POTEE: variants seen among roughly 807,000 people sequenced by gnomAD.
The protein encoded by POTEE is POTE ankyrin domain family member E, also known as ANKRD26-like family C member 1A.
POTEE carries 21 observed loss-of-function variants against 74.2 expected under a neutral mutation model. The ratio of observed to expected loss-of-function variants is 0.28; its 90% CI spans 0.20 to 0.41. The LOEUF is 0.41. Among genes scored for constraint, POTEE ranks in the 10% least tolerant of loss-of-function variants. POTEE has a pLI of 1.00. For missense variants in POTEE, 525 were observed against 1,158.6 expected (o/e 0.45, Z 7.94); for synonymous variants, 211 against 432.8 (o/e 0.49, Z 6.36).
chr2:131,219,455 T>C (rs1471870008), intron 4 of POTEE, among the ~76,000 whole-genome samples: 3 of 151,886 alleles, frequency 2.0e-5, no homozygotes, highest in Non-Finnish European at 2.9e-5. Context: ...GATGTGAGCT[T>C]TTTGGCTGGG....
rs1468792765 is a variant in POTEE at position 131,228,381 on chromosome 2, TGTAA to T, written c.1055+3_1055+6del. ...TATGCTGTTTCTAGTCATCATCATG[TGTAA>T]GTGTTTACATTAAAAGGCTAGTTAA... On this transcript the variant is annotated splice_donor_variant and splice_donor_region_variant and intron_variant, in intron 8 of 17. Coordinates refer to ENST00000683005, the MANE Select transcript of POTEE (RefSeq NM_001083538.3). LOFTEE classifies it high-confidence loss of function. 1.9e-6 allele frequency: 3 copies of T among 1,609,522 alleles called. No individual in the cohort carries two copies. The highest frequency in any genetic ancestry group is 1.7e-6 in the Non-Finnish European group (2 of 1,179,088).
intron 4 of POTEE, among the ~76,000 whole-genome samples, chr2:131,220,816 T>C (rs6716117): frequency 0.038 from 5,722 of 151,122 alleles, 370 homozygotes; most frequent in African/African-American, 0.13. Context: ...AAAAAATTAG[T>C]TGGGCATGGT....
rs1700842388 is a variant in POTEE at position 131,228,267 on chromosome 2, G to A, written c.941G>A (p.Cys314Tyr). The change falls in exon 8 of 18, where the codon TGT becomes TAT. Residue 314 changes from cysteine to tyrosine, a missense_variant. By Grantham distance (194) the Cys-to-Tyr change is radical (BLOSUM62 -2). Transcript: ENST00000683005. Reference sequence around the variant, plus strand: ...AGGACTGCTCTCATACTTGCTGTATGTTGTGGATCAGCAAGTATAGTCAGC... The same window carrying A: ...AGGACTGCTCTCATACTTGCTGTATATTGTGGATCAGCAAGTATAGTCAGC... ...YGRTALILAV[C>Y]CGSASIVSLL... 6.2e-7 allele frequency: 1 copy of A among 1,611,630 alleles called. No homozygotes were observed. Among genetic ancestry groups the A allele is most frequent in the Non-Finnish European group, 8.5e-7 (1 of 1,179,742 alleles).
intron 8 of POTEE, among the ~76,000 whole-genome samples, chr2:131,230,053 T>G (rs1448239182): frequency 8.5e-5 from 13 of 152,072 alleles, no homozygotes; most frequent in African/African-American, 1.9e-4. Context: ...AGTTTGAGTC[T>G]GTAGAGAAGG....
chr2:131,222,347 G>A (rs541313036), intron 4 of POTEE, among the ~76,000 whole-genome samples: 1 of 152,338 alleles, frequency 6.6e-6, no homozygotes, highest in African/African-American at 2.4e-5. Context: ...TTATAGGTGG[G>A]AGCTAAATGG....
At chr2:131,217,554 G>A (rs960148136) in intron 2 of POTEE, among the ~76,000 whole-genome samples, 35 bp from the exon 3 acceptor site, 7 of 149,132 alleles carry the variant, frequency 4.7e-5, no homozygotes, top group Middle Eastern at 3.2e-3. Flanking sequence ...CTTAGCCCCA[G>A]TCCTCCTTTA....
rs540159930 is a variant in POTEE at position 131,226,763 on chromosome 2, T to C, written c.811-60T>C. 5.5e-5 allele frequency: 88 copies of C among 1,607,808 alleles called. No homozygotes were observed. The African/African-American group carries it at 6.2e-4, about 11-fold the overall frequency. On this transcript the variant is annotated intron_variant, in intron 6 of 17. Transcript: ENST00000683005. ...AAGATCTTACATAAAGTTTCCACTT[T>C]GGTTGAGGAATATGTACTTTTTTGA... is the stretch of plus-strand genomic sequence containing the variant.
intron 6 of POTEE, among the ~76,000 whole-genome samples, chr2:131,225,567 CT>C (rs376693812): frequency 0.41 from 49,364 of 119,306 alleles, 8,026 homozygotes; most frequent in East Asian, 0.52. Flanking sequence ...ATTAATCTGA[CT>C]TTTTTTTTTT....
intron 3 of POTEE, among the ~76,000 whole-genome samples, 108 bp downstream of exon 3, chr2:131,217,791 C>T (rs1187909298): frequency 6.7e-6 from 1 of 149,538 alleles, no homozygotes; most frequent in East Asian, 2.0e-4. Flanking sequence ...CGCACGCGCA[C>T]GCCCGGCAGC....
chr2:131,233,776 T>A (rs1257063140), intron 9 of POTEE, among the ~76,000 whole-genome samples: 1 of 150,516 alleles, frequency 6.6e-6, no homozygotes, highest in Non-Finnish European at 1.5e-5. Flanking sequence ...ATCGTCAATA[T>A]GATTTAGTGA....
intron 4 of POTEE, among the ~76,000 whole-genome samples, chr2:131,223,365 C>A (rs557107721): frequency 1.3e-5 from 2 of 149,090 alleles, no homozygotes; most frequent in African/African-American, 2.6e-5. Context: ...TTCCAGCCCA[C>A]GTTGAATGTC....
At chr2:131,219,285 A>C (rs528856220) in intron 4 of POTEE, among the ~76,000 whole-genome samples, 5 of 151,758 alleles carry the variant, frequency 3.3e-5, no homozygotes, top group African/African-American at 1.2e-4. Context: ...AAGCCCCATA[A>C]CACATCAACT....
intron 10 of POTEE, 106 bp from the exon 11 acceptor site, chr2:131,238,088 A>T (rs1437881436): frequency 8.4e-7 from 1 of 1,190,870 alleles, no homozygotes; most frequent in South Asian, 1.5e-5. Flanking sequence ...TTCATTGTCC[A>T]TACTTGATTA....
At chr2:131,262,826 T>C (rs1480485619) in intron 17 of POTEE, among the ~76,000 whole-genome samples, 2 of 152,288 alleles carry the variant, frequency 1.3e-5, no homozygotes, top group African/African-American at 2.4e-5. Context: ...TATAGAAATA[T>C]TAGAAATGTA....
At chr2:131,223,484 G>A (rs1247194593) in intron 4 of POTEE, 112 bp from the exon 5 acceptor site, 2 of 888,008 alleles carry the variant, frequency 2.3e-6, no homozygotes, top group Non-Finnish European at 3.4e-6. Context: ...TTAAATGTTT[G>A]TTTTGAAGGC....
In POTEE at chr2:131,218,535, A is replaced by C. The variant is rs753110132; in HGVS notation, c.133A>C (p.Thr45Pro). The C allele has an allele frequency of 6.2e-7, 1 of 1,604,766 alleles. No homozygotes were observed. The highest frequency in any genetic ancestry group is 2.3e-5 in the East Asian group (1 of 44,384). ...YRESGKSNVG[T>P]SGDHDDSAMK... ...GGAGAGCGGCAAGAGCAACGTGGGC[A>C]CTTCTGGAGACCACGACGACTCTGC... is the stretch of plus-strand genomic sequence containing the variant. Residue 45 changes from threonine to proline, a missense_variant, in exon 4 of 18, where the codon ACT (threonine) becomes CCT (proline). Transcript: ENST00000683005.
chr2:131,221,379 GA>G (rs1274899294), intron 4 of POTEE, among the ~76,000 whole-genome samples: 1 of 152,156 alleles, frequency 6.6e-6, no homozygotes, highest in Non-Finnish European at 1.5e-5. Flanking sequence ...ACATATACAC[GA>G]ACAGAATCTG....
chr2:131,229,443 G>C (rs1162428284), intron 8 of POTEE, among the ~76,000 whole-genome samples: 13 of 152,268 alleles, frequency 8.5e-5, no homozygotes, highest in East Asian at 3.9e-4. Flanking sequence ...GAAAATTGTC[G>C]GAGCTACTTC....
rs568328636 is a variant in POTEE at position 131,223,721 on chromosome 2, G to A, written c.636+11G>A. On this transcript the variant is annotated intron_variant, in intron 5 of 17. Coordinates refer to ENST00000683005, the MANE Select transcript of POTEE (RefSeq NM_001083538.3). ...ACAGCTCTGATAAAGGTATGCAGTA[G>A]CCAACTATATCAGCATGAGGTGGGT... 1 of 1,610,414 alleles carries A rather than the reference G, an allele frequency of 6.2e-7. No individual in the cohort carries two copies. The highest frequency in any genetic ancestry group is 2.2e-5 in the East Asian group (1 of 44,874).
Sources: gnomAD v4.1 joint callset for allele counts (sites outside exome capture counted in the v4.1 genomes callset) on GRCh38, gnomAD v4.1.1 for gene constraint, MANE v1.5 for transcripts, NCBI Gene and HGNC (gene_info 2026-07-23, HGNC 2026-07-21) for gene names.